Variants in FBXO36 observed in about 807,000 individuals in gnomAD.
FBXO36 encodes F-box protein 36.
FBXO36 carries 18 observed loss-of-function variants against 17.0 expected under a neutral mutation model. That is an observed-to-expected ratio of 1.06 (90% confidence interval 0.73 to 1.57). The LOEUF (loss-of-function observed/expected upper bound fraction) is 1.57, where lower values mean the gene tolerates loss of function less well. Among genes scored for constraint, FBXO36 ranks in the 40% most tolerant of loss-of-function variants. The pLI, the probability that FBXO36 is intolerant of heterozygous loss-of-function variation, is 0.00. For synonymous variants in FBXO36, 83 were observed against 85.3 expected, an observed-to-expected ratio of 0.97 and a Z score of 0.15; for missense variants, 229 against 221.9, an observed-to-expected ratio of 1.03 and a Z score of -0.20.
intron 2 of FBXO36, among the ~76,000 whole-genome samples, chr2:229,991,872 C>T (rs1394847939): frequency 6.6e-6 from 1 of 152,152 alleles, no homozygotes; most frequent in East Asian, 1.9e-4. Flanking sequence ...AGCCACCTTT[C>T]CCCATCTCCA....
chr2:229,971,363 A>G (rs529708852), intron 1 of FBXO36, among the ~76,000 whole-genome samples: 1 of 151,920 alleles, frequency 6.6e-6, no homozygotes, highest in East Asian at 1.9e-4. Flanking sequence ...TCAAAAGAAA[A>G]AAAAAAAAAA....
chr2:229,961,076 T>C (rs868855817), intron 1 of FBXO36, among the ~76,000 whole-genome samples: 1 of 151,438 alleles, frequency 6.6e-6, no homozygotes, highest in African/African-American at 2.4e-5. Flanking sequence ...GCCATTGCCC[T>C]CCAGCCTGGG....
chr2:229,991,153 C>T (rs1277959030), intron 2 of FBXO36, among the ~76,000 whole-genome samples: 4 of 152,176 alleles, frequency 2.6e-5, no homozygotes. Context: ...CCAGGCTGGT[C>T]TAGAACTCAT....
chr2:229,983,397 A>G (rs961212259), intron 2 of FBXO36, among the ~76,000 whole-genome samples: 6 of 151,876 alleles, frequency 4.0e-5, no homozygotes, highest in Admixed American at 1.3e-4. Context: ...AAAAACAAAC[A>G]AAACAATCCT....
At chr2:229,953,687 A>T (rs1015344155) in intron 1 of FBXO36, among the ~76,000 whole-genome samples, 5 of 152,088 alleles carry the variant, frequency 3.3e-5, no homozygotes, top group African/African-American at 7.2e-5. Context: ...AAAAAAAAAT[A>T]AAAAAAGATT....
chr2:229,967,108 G>A (rs1054215741), intron 1 of FBXO36, among the ~76,000 whole-genome samples: 1 of 152,076 alleles, frequency 6.6e-6, no homozygotes, highest in Non-Finnish European at 1.5e-5. Flanking sequence ...TTGTAAGTTG[G>A]ATTCCTAGGT....
intron 1 of FBXO36, among the ~76,000 whole-genome samples, chr2:229,949,856 C>A (rs1009115044): frequency 5.9e-5 from 9 of 152,214 alleles, no homozygotes; most frequent in Middle Eastern, 3.4e-3. Context: ...ACCTGGGAGG[C>A]GGAGCTTGCA....
chr2:230,004,637 G>T (rs1318707264), intron 3 of FBXO36, among the ~76,000 whole-genome samples: 1 of 152,022 alleles, frequency 6.6e-6, no homozygotes, highest in Non-Finnish European at 1.5e-5. Context: ...CTTCTAAAAA[G>T]CATGTAGTAA....
rs145899333 is a variant in FBXO36, at chr2:229,988,199, C to G, written c.206-8552C>G. Among the ~76,000 whole-genome samples, 780 of 152,132 alleles carry G rather than the reference C, an allele frequency of 5.1e-3. 5 individuals carry two copies. The highest frequency in any genetic ancestry group is 0.018 in the African/African-American group (728 of 41,510). On this transcript the variant is annotated intron_variant, in intron 2 of 3. Transcript: ENST00000283946. ...ATTACATGTGGTCAGAGAATCTACT[C>G]AAAATTATAACGTATTTTTTTAGAT... is the stretch of plus-strand genomic sequence containing the variant.
chr2:229,924,564 T>C (rs550633036), intron 1 of FBXO36, among the ~76,000 whole-genome samples: 2 of 152,326 alleles, frequency 1.3e-5, no homozygotes, highest in South Asian at 2.1e-4. Flanking sequence ...TTCTTTCCCC[T>C]GAAGGTCTGG....
In FBXO36 at chr2:229,965,621, G is replaced by A. The variant is rs569434887; in HGVS notation, c.97-10620G>A. On this transcript the variant is annotated intron_variant, in intron 1 of 3. Transcript: ENST00000283946. ...TTCCCACCTATGAGTGAGAACATGCGGTGTTTGGTTTTTTTGTCCTTGCAA... is the reference window on the plus strand; with the variant it reads ...TTCCCACCTATGAGTGAGAACATGCAGTGTTTGGTTTTTTTGTCCTTGCAA... 4.0e-5 allele frequency among the ~76,000 whole-genome samples: 6 copies of A among 150,248 alleles called. No individual in the cohort carries two copies. In the South Asian group the frequency reaches 6.3e-4, roughly 16 times the overall value.
At chr2:229,951,391 G>A (rs1427999583) in intron 1 of FBXO36, among the ~76,000 whole-genome samples, 3 of 151,966 alleles carry the variant, frequency 2.0e-5, no homozygotes, top group Non-Finnish European at 2.9e-5. Context: ...TTACAGGCAC[G>A]TGCCACCATG....
intron 1 of FBXO36, among the ~76,000 whole-genome samples, chr2:229,944,285 T>A (rs1341515684): frequency 6.6e-6 from 1 of 152,166 alleles, no homozygotes; most frequent in Non-Finnish European, 1.5e-5. Flanking sequence ...AAACCTAAGG[T>A]AAAATAAAGC....
At chr2:229,954,325 C>T (rs899869829) in intron 1 of FBXO36, among the ~76,000 whole-genome samples, 2 of 143,948 alleles carry the variant, frequency 1.4e-5, no homozygotes, top group Non-Finnish European at 3.0e-5. Flanking sequence ...TCACTGCAAC[C>T]TCCGCCCCCT....
chr2:230,008,878 C>T lies in FBXO36; in HGVS notation c.379-1818C>T, dbSNP rs144652657. 3.9e-5 allele frequency among the ~76,000 whole-genome samples: 6 copies of T among 152,318 alleles called. No individual in the cohort carries two copies. In the East Asian group the frequency reaches 1.2e-3, roughly 29 times the overall value. On this transcript the variant is annotated intron_variant, in intron 3 of 3. Coordinates refer to ENST00000283946, the MANE Select transcript of FBXO36 (RefSeq NM_174899.5). ...AGATAATGAGTGACCCTTCTAACAT[C>T]AAAATGCTTTAAGGTCTGTAGATAT...
chr2:229,996,977 A>T, intron 3 of FBXO36, 54 bp downstream of exon 3: 7 of 1,549,648 alleles, frequency 4.5e-6, no homozygotes, highest in Non-Finnish European at 6.1e-6. Flanking sequence ...CTTTCTAAAA[A>T]AAATTTTTAA....
chr2:229,941,529 A>G (rs770015442), intron 1 of FBXO36, among the ~76,000 whole-genome samples: 25 of 152,112 alleles, frequency 1.6e-4, no homozygotes, highest in Non-Finnish European at 3.4e-4. Context: ...AGCTTCAGGG[A>G]ACTGAAATAG....
intron 1 of FBXO36, among the ~76,000 whole-genome samples, chr2:229,941,871 C>T (rs2077001173): frequency 6.6e-6 from 1 of 152,078 alleles, no homozygotes; most frequent in South Asian, 2.1e-4. Flanking sequence ...CAAAAATTGG[C>T]CGGGTGTGGT....
chr2:229,956,014 A>G (rs1398069384), intron 1 of FBXO36, among the ~76,000 whole-genome samples: 1 of 152,136 alleles, frequency 6.6e-6, no homozygotes, highest in African/African-American at 2.4e-5. Flanking sequence ...TTAACCTCTT[A>G]GGGTTGTTGT....
Sources: allele counts gnomAD v4.1 joint callset (sites outside exome capture counted in the v4.1 genomes callset), GRCh38; gene constraint gnomAD v4.1.1; transcripts MANE v1.5; gene names NCBI Gene and HGNC (gene_info 2026-07-23, HGNC 2026-07-21).